Variants in CRTAC1 observed in about 807,000 individuals in gnomAD.
CRTAC1 encodes cartilage acidic protein 1, also known as acidic secreted protein in cartilage.
A neutral mutation model predicts 67.8 loss-of-function variants in CRTAC1; 37 were observed. That is an observed-to-expected ratio of 0.55 (90% confidence interval 0.42 to 0.72). The LOEUF is 0.72. CRTAC1 is among the 30% of genes least tolerant of loss of function. The pLI, the probability that CRTAC1 is intolerant of heterozygous loss-of-function variation, is 0.00. For synonymous variants in CRTAC1, 348 were observed against 371.0 expected (o/e 0.94, Z 0.71); for missense variants, 780 against 931.6 (o/e 0.84, Z 2.12).
At chr10:98,014,421 GAC>G (rs577021445) in intron 1 of CRTAC1, among the ~76,000 whole-genome samples, 4 of 152,224 alleles carry the variant, frequency 2.6e-5, no homozygotes, top group Non-Finnish European at 4.4e-5. Context: ...TCTTGGATAA[GAC>G]AGCAAAAGCA....
intron 1 of CRTAC1, among the ~76,000 whole-genome samples, chr10:98,017,402 G>T (rs1405921100): frequency 6.6e-6 from 1 of 152,178 alleles, no homozygotes; most frequent in African/African-American, 2.4e-5. Flanking sequence ...CAGAGCGCAG[G>T]GTGCCTCGGT....
At chr10:97,881,254 A>G (rs1319402669) in intron 13 of CRTAC1, among the ~76,000 whole-genome samples, 1 of 152,194 alleles carries the variant, frequency 6.6e-6, no homozygotes, top group Non-Finnish European at 1.5e-5. Context: ...CCATACTGGC[A>G]TCCCTCCTGC....
At chr10:97,898,775 G>C (rs2050495233) in intron 8 of CRTAC1, among the ~76,000 whole-genome samples, 1 of 152,202 alleles carries the variant, frequency 6.6e-6, no homozygotes, top group South Asian at 2.1e-4. Flanking sequence ...TCATGGTGGA[G>C]AGTGAAGAGC....
intron 2 of CRTAC1, among the ~76,000 whole-genome samples, chr10:97,988,715 G>T (rs557390443): frequency 6.6e-6 from 1 of 152,150 alleles, no homozygotes; most frequent in East Asian, 1.9e-4. Context: ...GCAAGACTCC[G>T]TCTCTAAAAA....
intron 2 of CRTAC1, among the ~76,000 whole-genome samples, chr10:97,995,414 G>T (rs567713353): frequency 2.0e-5 from 3 of 152,122 alleles, no homozygotes; most frequent in Non-Finnish European, 4.4e-5. Context: ...AAGCTAAGGG[G>T]AAGGACCTCT....
intron 2 of CRTAC1, among the ~76,000 whole-genome samples, chr10:98,005,100 A>ATATATATATATATATT: frequency 2.0e-5 from 1 of 48,924 alleles, no homozygotes; most frequent in African/African-American, 1.2e-4. Context: ...ATATATATAT[A>ATATATATATATATATT]TTTTTTTTTT....
chr10:97,905,017 C>T (rs1000814999), intron 6 of CRTAC1, among the ~76,000 whole-genome samples: 10 of 152,014 alleles, frequency 6.6e-5, no homozygotes, highest in Admixed American at 4.6e-4. Context: ...AAAAGAAGAC[C>T]CAAGACTTGT....
intron 14 of CRTAC1, chr10:97,866,894 G>C (rs991110359): frequency 2.6e-5 from 4 of 152,368 alleles, no homozygotes; most frequent in African/African-American, 7.2e-5. Context: ...GCATCCTGCT[G>C]TCTTCGCTAC....
At chr10:97,989,855 C>T (rs948929064) in intron 2 of CRTAC1, among the ~76,000 whole-genome samples, 6 of 152,170 alleles carry the variant, frequency 3.9e-5, no homozygotes, top group African/African-American at 7.2e-5. Context: ...CCACAGATTG[C>T]GTGACTCCAT....
chr10:97,947,140 T>C (rs1409623231), intron 2 of CRTAC1, among the ~76,000 whole-genome samples: 2 of 152,220 alleles, frequency 1.3e-5, no homozygotes, highest in African/African-American at 4.8e-5. Flanking sequence ...AGCCAATGAA[T>C]GCTTCACTCT....
At chr10:97,948,125 C>A (rs1358374861) in intron 2 of CRTAC1, among the ~76,000 whole-genome samples, 1 of 136,260 alleles carries the variant, frequency 7.3e-6, no homozygotes, top group Non-Finnish European at 1.6e-5. Context: ...AAAAAAAAAA[C>A]TCTTCTGAGC....
At chr10:97,935,704 G>T (rs998821282) in intron 3 of CRTAC1, among the ~76,000 whole-genome samples, 2 of 152,206 alleles carry the variant, frequency 1.3e-5, no homozygotes, top group African/African-American at 2.4e-5. Context: ...GCTCAGCTGA[G>T]AGTAGTGGGG....
intron 9 of CRTAC1, among the ~76,000 whole-genome samples, chr10:97,896,307 G>GT (rs146219221): frequency 0.067 from 10,080 of 151,574 alleles, 352 homozygotes; most frequent in Middle Eastern, 0.099. Context: ...ATTTGCACAG[G>GT]TTTTTTTTTG....
At chr10:97,986,570 G>A (rs2051986739) in intron 2 of CRTAC1, among the ~76,000 whole-genome samples, 1 of 152,132 alleles carries the variant, frequency 6.6e-6, no homozygotes, top group East Asian at 1.9e-4. Flanking sequence ...CATCATCTAT[G>A]ATATAACCAT....
intron 2 of CRTAC1, among the ~76,000 whole-genome samples, chr10:97,967,215 G>T (rs1353719164): frequency 8.6e-5 from 13 of 151,714 alleles, no homozygotes; most frequent in Admixed American, 8.5e-4. Flanking sequence ...TGTACTTTAG[G>T]TTATAATCCA....
At chr10:97,901,733 A>G in intron 7 of CRTAC1, 94 bp from the exon 8 acceptor site, 1 of 1,495,296 alleles carries the variant, frequency 6.7e-7, no homozygotes, top group Non-Finnish European at 9.1e-7. Context: ...ATTAAAAATA[A>G]GAGACAGTCC....
intron 2 of CRTAC1, among the ~76,000 whole-genome samples, chr10:97,985,102 A>G (rs1446656723): frequency 3.3e-5 from 5 of 152,156 alleles, no homozygotes. Context: ...AGTAAAGGGC[A>G]GTATTCCTTG....
At chr10:98,006,607 C>T (rs1263442073) in intron 2 of CRTAC1, among the ~76,000 whole-genome samples, 4 of 152,108 alleles carry the variant, frequency 2.6e-5, no homozygotes, top group African/African-American at 7.2e-5. Flanking sequence ...ATACCCAGAA[C>T]GAGGACACCG....
chr10:97,908,230 G>A, intron 5 of CRTAC1, 83 bp from the exon 6 acceptor site: 4 of 1,479,272 alleles, frequency 2.7e-6, no homozygotes, highest in Non-Finnish European at 3.7e-6. Flanking sequence ...TGAGGCCTGA[G>A]GGGAACTGCA....
Sources: allele counts gnomAD v4.1 joint callset (sites outside exome capture counted in the v4.1 genomes callset), GRCh38; gene constraint gnomAD v4.1.1; transcripts MANE v1.5; gene names NCBI Gene and HGNC (gene_info 2026-07-23, HGNC 2026-07-21).